MAPK9: variants seen among roughly 807,000 people sequenced by gnomAD.
MAPK9 encodes the protein Jun kinase.
In MAPK9, 30 loss-of-function variants were observed where a neutral mutation model predicts 57.1. That is an observed-to-expected ratio of 0.53 (90% CI 0.39 to 0.71). The LOEUF (loss-of-function observed/expected upper bound fraction) is 0.71, where lower values mean the gene tolerates loss of function less well. Ranked by LOEUF, MAPK9 falls within the 30% of genes least tolerant of loss-of-function variation. The pLI is 0.00. For synonymous variants in MAPK9, 155 were observed against 177.0 expected (o/e 0.88, Z 0.99); for missense variants, 362 against 521.0 (o/e 0.69, Z 2.97).
intron 10 of MAPK9, among the ~76,000 whole-genome samples, chr5:180,238,740 C>T (rs929338679): frequency 1.3e-5 from 2 of 151,568 alleles, no homozygotes; most frequent in African/African-American, 2.4e-5. Flanking sequence ...ATCCAAATTG[C>T]TGGGATTACA....
In MAPK9 at chr5:180,261,782, C is replaced by T; in HGVS notation, c.352G>A (p.Val118Ile). 6.2e-7 allele frequency: 1 copy of T among 1,612,954 alleles called. No individual in the cohort carries two copies. The highest frequency in any genetic ancestry group is 8.5e-7 in the Non-Finnish European group (1 of 1,179,418). The change falls in exon 5 of 12, where the codon GTT (valine) becomes ATT (isoleucine). Residue 118 changes from valine (V) to isoleucine (I), a missense_variant. This residue lies in a region of MAPK9 where 127 missense variants were observed against 231.7 expected (regional missense o/e 0.55). Transcript: ENST00000452135. Reference protein sequence around the residue: ...MELMDANLCQVIHMELDHERM... With the variant: ...MELMDANLCQIIHMELDHERM... ...TCATGATCCAGCTCCATGTGAATAA[C>T]CTGACATAAGTTAGCATCCATTAAT...
At chr5:180,258,670 TTCAG>T (rs1759560069) in intron 5 of MAPK9, among the ~76,000 whole-genome samples, 2 of 151,910 alleles carry the variant, frequency 1.3e-5, no homozygotes, top group South Asian at 4.2e-4. Context: ...GGATAAAGGC[TTCAG>T]TCGGTTCAGT....
At chr5:180,280,787 G>A (rs879101346) in intron 1 of MAPK9, among the ~76,000 whole-genome samples, 179 bp from the exon 2 acceptor site, 1 of 152,174 alleles carries the variant, frequency 6.6e-6, no homozygotes, top group African/African-American at 2.4e-5. Flanking sequence ...AGTGGTACCA[G>A]ACCATTATGA....
chr5:180,248,820 T>A (rs1247742567), intron 6 of MAPK9, among the ~76,000 whole-genome samples, 153 bp downstream of exon 6: 2 of 152,248 alleles, frequency 1.3e-5, no homozygotes, highest in Non-Finnish European at 2.9e-5. Flanking sequence ...AAAACACAAT[T>A]AATTATTTCT....
At chr5:180,237,398 GAAGA>G (rs1757257341) in intron 11 of MAPK9, 1 of 152,178 alleles carries the variant, frequency 6.6e-6, no homozygotes, top group Non-Finnish European at 1.5e-5. Flanking sequence ...TAGTAAACAG[GAAGA>G]ATCCTTCAGA....
At chr5:180,249,929 T>TACTGGAGAGC (rs1364951403) in intron 5 of MAPK9, among the ~76,000 whole-genome samples, 3 of 152,212 alleles carry the variant, frequency 2.0e-5, no homozygotes, top group African/African-American at 7.2e-5. Context: ...GTGGCTGCCA[T>TACTGGAGAGC]ACTGGACAGC....
chr5:180,238,554 C>G, intron 10 of MAPK9, 151 bp from the exon 11 acceptor site: 1 of 556,128 alleles, frequency 1.8e-6, no homozygotes, highest in African/African-American at 1.9e-5. Context: ...TATAGTCTAC[C>G]TGGACCAAAA....
intron 5 of MAPK9, among the ~76,000 whole-genome samples, chr5:180,251,334 G>T (rs1758669845): frequency 6.6e-6 from 1 of 152,190 alleles, no homozygotes; most frequent in South Asian, 2.1e-4. Flanking sequence ...TTCTACCAAG[G>T]ACAGACGCAG....
intron 1 of MAPK9, among the ~76,000 whole-genome samples, chr5:180,285,914 T>TA (rs1266221351): frequency 6.6e-6 from 1 of 150,464 alleles, no homozygotes; most frequent in Non-Finnish European, 1.5e-5. Flanking sequence ...CCGTCTCTAC[T>TA]AAAAAAATAC....
intron 5 of MAPK9, among the ~76,000 whole-genome samples, chr5:180,259,262 A>G (rs1470193852): frequency 6.6e-6 from 1 of 151,798 alleles, no homozygotes; most frequent in Non-Finnish European, 1.5e-5. Flanking sequence ...GTAAACATGA[A>G]AGAACTCACA....
At chr5:180,272,124 T>C (rs1211078215) in intron 2 of MAPK9, among the ~76,000 whole-genome samples, 1 of 152,158 alleles carries the variant, frequency 6.6e-6, no homozygotes, top group Admixed American at 6.5e-5. Flanking sequence ...TTCTTGCAGC[T>C]TCCTTAAGAC....
intron 9 of MAPK9, 102 bp from the exon 10 acceptor site, chr5:180,240,089 T>C (rs2127575004): frequency 1.2e-6 from 1 of 828,636 alleles, no homozygotes; most frequent in East Asian, 2.5e-5. Context: ...CTATTTATGA[T>C]ATGGATTTAG....
intron 1 of MAPK9, among the ~76,000 whole-genome samples, chr5:180,283,231 G>A (rs1762467589): frequency 6.6e-6 from 1 of 152,236 alleles, no homozygotes; most frequent in African/African-American, 2.4e-5. Context: ...GGTATGGCCA[G>A]ATGACCAAGT....
At position 180,291,950 on chromosome 5, in the gene MAPK9, CCCGCCCCGCT is replaced by C. The variant is rs1430831664; in HGVS notation, c.-160_-151del. The C allele has an allele frequency of 2.1e-5, 3 of 144,800 alleles. No individual in the cohort carries two copies. Among genetic ancestry groups the C allele is most frequent in the Admixed American group, 1.4e-4 (2 of 14,286 alleles). 9.0% of individuals were successfully genotyped at this position (144,800 alleles called of 1,614,324 possible). A position where few individuals can be genotyped will look rare whatever the true frequency, so the allele number is the denominator to read the frequency against. On this transcript the variant is annotated 5_prime_UTR_variant, in exon 1 of 12. Transcript: ENST00000452135. ...TCCGCGGCCCCGGCTCCGCCGCCGG[CCCGCCCCGCT>C]CCGCTCCGCCCCGCCGCCGCCGCCG...
At position 180,238,417 on chromosome 5, in the gene MAPK9, A is replaced by G. The variant is rs1757360772; in HGVS notation, c.1061-14T>C. 1.3e-6 allele frequency: 2 copies of G among 1,560,270 alleles called. No individual in the cohort carries two copies. Among genetic ancestry groups the G allele is most frequent in the South Asian group, 2.2e-5 (2 of 89,654 alleles). On this transcript the variant is annotated splice_polypyrimidine_tract_variant and intron_variant, in intron 10 of 11. Transcript: ENST00000452135. ...TGTAAATTAGCTCTTTAATAAAAAT[A>G]CAAGTTAAAATGCTTAATCAGTTTC...
chr5:180,271,302 T>C (rs1202134116), intron 2 of MAPK9, among the ~76,000 whole-genome samples: 1 of 152,230 alleles, frequency 6.6e-6, no homozygotes, highest in Non-Finnish European at 1.5e-5. Context: ...TTATTCCTGG[T>C]TGTGGTTATT....
At chr5:180,281,119 A>G (rs1239133479) in intron 1 of MAPK9, among the ~76,000 whole-genome samples, 1 of 152,256 alleles carries the variant, frequency 6.6e-6, no homozygotes, top group Non-Finnish European at 1.5e-5. Context: ...CGCCAAAGTG[A>G]CAGGCTGTCA....
intron 2 of MAPK9, among the ~76,000 whole-genome samples, chr5:180,270,044 G>A (rs1372467728): frequency 9.2e-5 from 14 of 152,020 alleles, no homozygotes; most frequent in Admixed American, 6.5e-4. Context: ...CCAGCATCTC[G>A]TTTCCTGTTG....
chr5:180,239,498 A>G (rs1248932613), intron 10 of MAPK9, among the ~76,000 whole-genome samples: 2 of 152,206 alleles, frequency 1.3e-5, no homozygotes, highest in African/African-American at 4.8e-5. Context: ...CATTACAGGT[A>G]TAGTTTGTTG....
Sources: allele counts gnomAD v4.1 joint callset (sites outside exome capture counted in the v4.1 genomes callset), GRCh38; gene constraint gnomAD v4.1.1; regional missense constraint gnomAD v4.1.1; transcripts MANE v1.5; gene names NCBI Gene and HGNC (gene_info 2026-07-23, HGNC 2026-07-21).